AHI1: variants seen among roughly 807,000 people sequenced by gnomAD.
The protein encoded by AHI1 is jouberin.
AHI1 carries 123 observed loss-of-function variants against 149.3 expected under a neutral mutation model. The ratio of observed to expected loss-of-function variants is 0.82; its 90% CI spans 0.71 to 0.96. The LOEUF (loss-of-function observed/expected upper bound fraction) is 0.96. Among genes scored for constraint, AHI1 ranks in the 40% least tolerant of loss-of-function variants. The pLI, the probability that AHI1 is intolerant of heterozygous loss-of-function variation, is 0.00. For missense variants in AHI1, 1,439 were observed against 1,422.7 expected (o/e 1.01, Z -0.18); for synonymous variants, 475 against 459.8 (o/e 1.03, Z -0.42).
At chr6:135,394,685 G>A (rs1445979684) in intron 23 of AHI1, 91 bp downstream of exon 23, 3 of 1,521,688 alleles carry the variant, frequency 2.0e-6, no homozygotes, top group African/African-American at 2.7e-5. Flanking sequence ...CGACCATTAT[G>A]AGCTTTATTT....
At chr6:135,475,154 T>C (rs561251006) in intron 5 of AHI1, among the ~76,000 whole-genome samples, 1 of 152,206 alleles carries the variant, frequency 6.6e-6, no homozygotes, top group South Asian at 2.1e-4. Flanking sequence ...CTTCATGTAA[T>C]TTACACATTT....
intron 25 of AHI1, among the ~76,000 whole-genome samples, chr6:135,319,349 C>A (rs1408611731): frequency 6.6e-6 from 1 of 152,082 alleles, no homozygotes; most frequent in Non-Finnish European, 1.5e-5. Flanking sequence ...TGGTGGCGTG[C>A]ACCTGTAGTC....
At chr6:135,442,274 G>A (rs1385373885) in intron 14 of AHI1, among the ~76,000 whole-genome samples, 1 of 152,032 alleles carries the variant, frequency 6.6e-6, no homozygotes, top group African/African-American at 2.4e-5. Flanking sequence ...TTCCCCATGA[G>A]ATTTATTCAT....
At chr6:135,493,462 C>T (rs1795533830) in intron 3 of AHI1, among the ~76,000 whole-genome samples, 1 of 152,202 alleles carries the variant, frequency 6.6e-6, no homozygotes. Context: ...TCAAAACAGA[C>T]ATCACTAAAT....
intron 5 of AHI1, among the ~76,000 whole-genome samples, chr6:135,468,004 G>A (rs1275793701): frequency 6.6e-6 from 1 of 151,938 alleles, no homozygotes; most frequent in Non-Finnish European, 1.5e-5. Context: ...TACATACTGG[G>A]GTTTGATCTT....
At chr6:135,348,851 C>T (rs956866237) in intron 24 of AHI1, among the ~76,000 whole-genome samples, 5 of 152,114 alleles carry the variant, frequency 3.3e-5, no homozygotes, top group African/African-American at 1.2e-4. Flanking sequence ...CGAGAGATTA[C>T]TGTGTGTTAG....
chr6:135,333,806 G>A (rs1330720718), intron 24 of AHI1, among the ~76,000 whole-genome samples: 1 of 152,046 alleles, frequency 6.6e-6, no homozygotes, highest in Non-Finnish European at 1.5e-5. Flanking sequence ...TAAAATAAGA[G>A]GTCTAGACAA....
intron 25 of AHI1, among the ~76,000 whole-genome samples, chr6:135,321,914 G>A (rs757686278): frequency 1.3e-5 from 2 of 152,056 alleles, no homozygotes. Flanking sequence ...CGATTCTCCC[G>A]CCTCAGCCTC....
At chr6:135,329,746 G>A (rs571344845) in intron 24 of AHI1, among the ~76,000 whole-genome samples, 12 of 152,298 alleles carry the variant, frequency 7.9e-5, no homozygotes, top group African/African-American at 2.6e-4. Context: ...TGATGAATAC[G>A]AGCAAGTAAG....
intron 24 of AHI1, among the ~76,000 whole-genome samples, chr6:135,339,212 G>A (rs1259817424): frequency 6.6e-6 from 1 of 152,150 alleles, no homozygotes; most frequent in Admixed American, 6.5e-5. Context: ...GGTGATATGA[G>A]TTAGGACTAG....
intron 25 of AHI1, among the ~76,000 whole-genome samples, chr6:135,319,264 C>A (rs1385108266): frequency 6.6e-6 from 1 of 152,106 alleles, no homozygotes; most frequent in Non-Finnish European, 1.5e-5. Flanking sequence ...TCCCTTGAGG[C>A]CAAGAGTTTG....
At position 135,448,391 on chromosome 6, in the gene AHI1, A is replaced by C; in HGVS notation, c.1525T>G (p.Leu509Val). Residue 509 changes from leucine (L) to valine (V), a missense_variant, in exon 12 of 29, where the codon TTA becomes GTA. Leu to Val is a conservative substitution (Grantham distance 32, BLOSUM62 1). Coordinates refer to ENST00000265602, the MANE Select transcript of AHI1 (RefSeq NM_001134831.2). ...CATTCAAATGCCTCAACAACACTTA[A>C]TGGGGATCGAGGCTTAGTAGGTGGG... ...YYPPTKPRSP[L>V]SVVEAFEWWS... 1 of 1,608,964 alleles carries C rather than the reference A, an allele frequency of 6.2e-7. No individual in the cohort carries two copies. Among genetic ancestry groups the C allele is most frequent in the South Asian group, 1.1e-5 (1 of 90,068 alleles).
At chr6:135,376,774 C>T (rs1050356837) in intron 23 of AHI1, among the ~76,000 whole-genome samples, 7 of 150,486 alleles carry the variant, frequency 4.7e-5, no homozygotes, top group African/African-American at 9.8e-5. Context: ...CCCAGCTACT[C>T]GGGAGGCTGA....
At chr6:135,455,610 C>A in intron 10 of AHI1, 124 bp downstream of exon 10, 1 of 695,580 alleles carries the variant, frequency 1.4e-6, no homozygotes, top group African/African-American at 1.8e-5. Flanking sequence ...AAACTAAATC[C>A]TAGAGATTAA....
chr6:135,376,428 G>C (rs954192219), intron 23 of AHI1, among the ~76,000 whole-genome samples: 8 of 152,136 alleles, frequency 5.3e-5, no homozygotes, highest in African/African-American at 1.7e-4. Flanking sequence ...GACTAAACTT[G>C]ACAACACCAA....
intron 23 of AHI1, among the ~76,000 whole-genome samples, chr6:135,376,100 C>T (rs1323221933): frequency 6.1e-5 from 8 of 132,100 alleles, no homozygotes; most frequent in Admixed American, 2.4e-4. Flanking sequence ...GAATGGGGGG[C>T]GGGGCGGGGC....
chr6:135,379,459 C>A (rs763675055), intron 23 of AHI1, among the ~76,000 whole-genome samples: 9 of 152,186 alleles, frequency 5.9e-5, no homozygotes, highest in Admixed American at 1.3e-4. Flanking sequence ...TTCTTCTCAT[C>A]TTACAATTAG....
intron 23 of AHI1, among the ~76,000 whole-genome samples, chr6:135,390,152 T>C (rs764277921): frequency 6.6e-6 from 1 of 152,190 alleles, no homozygotes; most frequent in Non-Finnish European, 1.5e-5. Flanking sequence ...GTAGGGACTC[T>C]TGAGATGGTT....
At chr6:135,285,854 A>G (rs1350467438) in intron 28 of AHI1, among the ~76,000 whole-genome samples, 1 of 152,232 alleles carries the variant, frequency 6.6e-6, no homozygotes, top group Non-Finnish European at 1.5e-5. Flanking sequence ...ATCTTTTTGT[A>G]TCATTAGCAA....
Sources: allele counts gnomAD v4.1 joint callset (sites outside exome capture counted in the v4.1 genomes callset), GRCh38; gene constraint gnomAD v4.1.1; transcripts MANE v1.5; gene names NCBI Gene and HGNC (gene_info 2026-07-23, HGNC 2026-07-21).